The following CMKLR2 variants were observed in gnomAD, a reference collection of about 807,000 sequenced individuals.
CMKLR2 encodes chemerin-like receptor 2.
Under a neutral mutation model 23.0 loss-of-function variants are expected in CMKLR2, and 18 were observed. The ratio of observed to expected loss-of-function variants is 0.78; its 90% CI spans 0.54 to 1.16. The LOEUF (loss-of-function observed/expected upper bound fraction) is 1.16. CMKLR2 is among the 50% of genes most tolerant of loss of function. The pLI is 0.00. For missense variants in CMKLR2, 401 were observed against 412.7 expected (o/e 0.97, Z 0.25); for synonymous variants, 158 against 158.9 (o/e 0.99, Z 0.05).
rs189803169 is a variant in CMKLR2 at position 206,200,147 on chromosome 2, G to A, written c.-29+13160C>T. On this transcript the variant is annotated intron_variant, in intron 1 of 1. Coordinates refer to ENST00000621141, the MANE Select transcript of CMKLR2 (RefSeq NM_001389445.1). ...GCCATTAAGAATGGTGGGTCGGCCG[G>A]ACGCAGTGGCTCATGCCTGTAATCC... Among the ~76,000 whole-genome samples the A allele has an allele frequency of 3.0e-3, 460 of 152,026 alleles. 1 individual carries two copies. The highest frequency in any genetic ancestry group is 0.026 in the South Asian group (124 of 4,810).
Position 206,176,092 on chromosome 2 carries a change from C to A in CMKLR2, c.*88G>T. 1.1e-6 allele frequency: 1 copy of A among 947,766 alleles called. No homozygotes were observed. The highest frequency in any genetic ancestry group is 1.6e-6 in the Non-Finnish European group (1 of 640,240). 58.7% of individuals were successfully genotyped at this position (947,766 alleles called of 1,614,324 possible). A position where few individuals can be genotyped will look rare whatever the true frequency, so the allele number is the denominator to read the frequency against. ...AATAACTATGAAAGTGGAGTCGGCT[C>A]TCTATCTTGGAAACAATTTTAATCT... On this transcript the variant is annotated 3_prime_UTR_variant, in exon 2 of 2. Coordinates refer to ENST00000621141, the MANE Select transcript of CMKLR2 (RefSeq NM_001389445.1).
chr2:206,191,837 ATTT>A (rs774926244), intron 1 of CMKLR2, among the ~76,000 whole-genome samples: 6 of 119,240 alleles, frequency 5.0e-5, no homozygotes, highest in Admixed American at 1.8e-4. Flanking sequence ...TGCCCAACTA[ATTT>A]TTTTTTTTTT....
upstream of CMKLR2, among the ~76,000 whole-genome samples, chr2:206,215,891 G>A (rs951473689): frequency 9.2e-5 from 14 of 152,196 alleles, no homozygotes; most frequent in Non-Finnish European, 1.5e-5. Context: ...AGCCTTTTGT[G>A]TAAGTGGCAG....
intron 1 of CMKLR2, 103 bp from the exon 2 acceptor site, chr2:206,177,378 C>A: frequency 1.6e-6 from 1 of 622,358 alleles, no homozygotes; most frequent in Non-Finnish European, 2.8e-6. Context: ...GGTTATGGAC[C>A]AGACATAGTA....
At chr2:206,184,300 C>CTTT (rs752263495) in intron 1 of CMKLR2, among the ~76,000 whole-genome samples, 13,943 of 142,326 alleles carry the variant, frequency 0.098, 814 homozygotes, top group Admixed American at 0.19. Flanking sequence ...CTCTCTCTCT[C>CTTT]TTTTTTTTTT....
At chr2:206,187,379 G>A (rs567463029) in intron 1 of CMKLR2, among the ~76,000 whole-genome samples, 1 of 152,274 alleles carries the variant, frequency 6.6e-6, no homozygotes, top group African/African-American at 2.4e-5. Flanking sequence ...GCAACTTTGG[G>A]GCAGAGCACA....
chr2:206,180,386 G>C lies in CMKLR2; in HGVS notation c.-28-3111C>G, dbSNP rs1355694218. Among the ~76,000 whole-genome samples, 6 of 151,486 alleles carry C rather than the reference G, an allele frequency of 4.0e-5. No homozygotes were observed. In the East Asian group the frequency reaches 1.2e-3, roughly 29 times the overall value. On this transcript the variant is annotated intron_variant, in intron 1 of 1. Transcript: ENST00000621141. ...TACAGGTGACCCTTGAAAAACATGG[G>C]GGGTGCCTAGAGGCGCTGACCCCAC... is the stretch of plus-strand genomic sequence containing the variant.
In CMKLR2 at chr2:206,176,101, G is replaced by T; in HGVS notation, c.*79C>A. The T allele has an allele frequency of 1.9e-6, 2 of 1,053,930 alleles. No homozygotes were observed. Among genetic ancestry groups the T allele is most frequent in the Non-Finnish European group, 2.7e-6 (2 of 730,374 alleles). The allele number at this position is 1,053,930 out of a possible 1,614,324, so 65.3% of individuals were successfully genotyped here. A position where few individuals can be genotyped will look rare whatever the true frequency, so the allele number is the denominator to read the frequency against. Reference sequence around the variant, plus strand: ...GAAAGTGGAGTCGGCTCTCTATCTTGGAAACAATTTTAATCTGAAAGCATC... The same window carrying T: ...GAAAGTGGAGTCGGCTCTCTATCTTTGAAACAATTTTAATCTGAAAGCATC... On this transcript the variant is annotated 3_prime_UTR_variant, in exon 2 of 2. Transcript: ENST00000621141.
At chr2:206,192,758 G>A (rs528802350) in intron 1 of CMKLR2, among the ~76,000 whole-genome samples, 38 of 152,168 alleles carry the variant, frequency 2.5e-4, no homozygotes, top group African/African-American at 8.4e-4. Context: ...CTTGATCATA[G>A]TAGAGAGAAA....
intron 1 of CMKLR2, among the ~76,000 whole-genome samples, chr2:206,210,650 G>A (rs927876542): frequency 2.0e-5 from 3 of 151,860 alleles, no homozygotes; most frequent in Admixed American, 6.6e-5. Context: ...TAGTAGAGAC[G>A]GGGTTTCTCC....
upstream of CMKLR2, among the ~76,000 whole-genome samples, chr2:206,214,477 A>G (rs13426872): frequency 0.31 from 47,717 of 151,920 alleles, 7,743 homozygotes; most frequent in African/African-American, 0.36. Context: ...TGGGCCTGGC[A>G]GATGTGGGCA....
intron 1 of CMKLR2, among the ~76,000 whole-genome samples, chr2:206,196,891 A>G (rs1576056179): frequency 6.6e-6 from 1 of 152,162 alleles, no homozygotes; most frequent in East Asian, 1.9e-4. Flanking sequence ...AAGAGAGGAC[A>G]CTCAGGAAAA....
chr2:206,188,120 G>T (rs1228600555), intron 1 of CMKLR2, among the ~76,000 whole-genome samples: 2 of 152,120 alleles, frequency 1.3e-5, no homozygotes, highest in African/African-American at 2.4e-5. Context: ...TTTTAGTAGA[G>T]ACAAGGTTTT....
At position 206,176,231 on chromosome 2, in the gene CMKLR2, C is replaced by G; in HGVS notation, c.1017G>C (p.Gln339His). The change falls in exon 2 of 2, where the codon CAG (glutamine) becomes CAC (histidine). Residue 339 changes from glutamine (Q) to histidine (H), a missense_variant. Physicochemically the swap from Gln to His is conservative, Grantham distance 24. Coordinates refer to ENST00000621141, the MANE Select transcript of CMKLR2 (RefSeq NM_001389445.1). Reference protein sequence around the residue: ...EVSCSGTVSEQLRNSETKNLC... With the variant: ...EVSCSGTVSEHLRNSETKNLC... ...GATTCTTGGTTTCTGAGTTCCTGAG[C>G]TGTTCACTCACTGTGCCAGAACAGC... 1 of 1,614,140 alleles carries G rather than the reference C, an allele frequency of 6.2e-7. No homozygotes were observed. Among genetic ancestry groups the G allele is most frequent in the Non-Finnish European group, 8.5e-7 (1 of 1,180,010 alleles).
chr2:206,176,317 A>G lies in CMKLR2; in HGVS notation c.931T>C (p.Phe311Leu). ...PILYVLISKK[F>L]QARFRSSVAE... ...ACTGAGGACCGGAAGCGAGCTTGGA[A>G]CTTCTTACTAATTAGGACATAAAGG... The change falls in exon 2 of 2, where the codon TTC becomes CTC. Residue 311 changes from phenylalanine to leucine, a missense_variant. Phe to Leu is a conservative substitution (Grantham distance 22, BLOSUM62 0). Coordinates refer to ENST00000621141, the MANE Select transcript of CMKLR2 (RefSeq NM_001389445.1). 6.2e-7 allele frequency: 1 copy of G among 1,614,112 alleles called. No individual in the cohort carries two copies. Among genetic ancestry groups the G allele is most frequent in the Non-Finnish European group, 8.5e-7 (1 of 1,180,028 alleles).
At chr2:206,209,166 C>T (rs545719907) in intron 1 of CMKLR2, among the ~76,000 whole-genome samples, 54 of 151,946 alleles carry the variant, frequency 3.6e-4, no homozygotes, top group Non-Finnish European at 6.3e-4. Context: ...GGTGAAACTC[C>T]GTTTCTACTA....
At chr2:206,212,611 A>G (rs368359097) in intron 1 of CMKLR2, among the ~76,000 whole-genome samples, 2 of 152,320 alleles carry the variant, frequency 1.3e-5, no homozygotes, top group African/African-American at 4.8e-5. Context: ...AAAAGGAATA[A>G]TTGAATAGCT....
upstream of CMKLR2, among the ~76,000 whole-genome samples, chr2:206,215,757 G>A (rs1484640581): frequency 6.6e-6 from 1 of 152,198 alleles, no homozygotes; most frequent in Non-Finnish European, 1.5e-5. Context: ...TAGCTGAAGT[G>A]CTCAGGTGTA....
chr2:206,195,528 C>T (rs1365349757), intron 1 of CMKLR2, among the ~76,000 whole-genome samples: 1 of 152,174 alleles, frequency 6.6e-6, no homozygotes, highest in South Asian at 2.1e-4. Context: ...AAGGCACTGA[C>T]TCATGCACTA....
Sources: allele counts gnomAD v4.1 joint callset (sites outside exome capture counted in the v4.1 genomes callset), GRCh38; gene constraint gnomAD v4.1.1; transcripts MANE v1.5; gene names NCBI Gene and HGNC (gene_info 2026-07-23, HGNC 2026-07-21).